The following MBNL2 variants were observed in gnomAD, a reference collection of about 807,000 sequenced individuals.
MBNL2 encodes muscleblind-like protein 2.
In MBNL2, 17 loss-of-function variants were observed where a neutral mutation model predicts 41.9. The ratio of observed to expected loss-of-function variants is 0.41; its 90% CI spans 0.28 to 0.61. MBNL2 has a LOEUF of 0.61. Ranked by LOEUF, MBNL2 falls within the 20% of genes least tolerant of loss-of-function variation. The pLI, the probability that MBNL2 is intolerant of heterozygous loss-of-function variation, is 0.35. For synonymous variants in MBNL2, 195 were observed against 182.9 expected, an observed-to-expected ratio of 1.07 and a Z score of -0.53; for missense variants, 336 against 505.6, an observed-to-expected ratio of 0.66 and a Z score of 3.22.
intron 1 of MBNL2, among the ~76,000 whole-genome samples, chr13:97,240,144 C>T (rs778213596): frequency 6.6e-6 from 1 of 152,150 alleles, no homozygotes; most frequent in Non-Finnish European, 1.5e-5. Flanking sequence ...GATTCTGACT[C>T]GGGGAGTCTG....
the MBNL2 span, among the ~76,000 whole-genome samples, chr13:97,148,772 T>C: frequency 6.6e-6 from 1 of 152,236 alleles, no homozygotes; most frequent in Non-Finnish European, 1.5e-5. Context: ...TTAGTGAATG[T>C]CGTTCATAAG....
the MBNL2 span, among the ~76,000 whole-genome samples, chr13:97,192,838 T>C: frequency 2.6e-5 from 4 of 152,270 alleles, no homozygotes. Flanking sequence ...GGAAGTGAAG[T>C]CAAGGTGTGT....
intron 2 of MBNL2, among the ~76,000 whole-genome samples, chr13:97,291,917 A>AAAAAAAAAAAAAAAAAAAAAAAAAAAAT (rs398070410): frequency 8.0e-6 from 1 of 125,312 alleles, no homozygotes; most frequent in African/African-American, 3.1e-5. Flanking sequence ...AAAAAAAAAA[A>AAAAAAAAAAAAAAAAAAAAAAAAAAAAT]GTGGGCTGGG....
intron 1 of MBNL2, among the ~76,000 whole-genome samples, chr13:97,228,188 C>A (rs1344030302): frequency 2.6e-5 from 4 of 152,050 alleles, no homozygotes; most frequent in Non-Finnish European, 5.9e-5. Flanking sequence ...AATACTATCC[C>A]CAGCTGGCCA....
intron 4 of MBNL2, among the ~76,000 whole-genome samples, chr13:97,344,209 G>T (rs2061654545): frequency 6.6e-6 from 1 of 152,164 alleles, no homozygotes; most frequent in Non-Finnish European, 1.5e-5. Context: ...CTTAAGTTAT[G>T]AATCAAACCA....
At chr13:97,381,557 A>G (rs1594294462) in intron 8 of MBNL2, among the ~76,000 whole-genome samples, 1 of 151,860 alleles carries the variant, frequency 6.6e-6, no homozygotes, top group Non-Finnish European at 1.5e-5. Context: ...TATTACTGGG[A>G]GCAAAATCTC....
intron 1 of MBNL2, among the ~76,000 whole-genome samples, chr13:97,235,989 G>A (rs186775444): frequency 3.9e-5 from 6 of 152,158 alleles, no homozygotes; most frequent in East Asian, 1.9e-4. Context: ...GGTGATGGGC[G>A]TTGGAGCTGA....
intron 1 of MBNL2, among the ~76,000 whole-genome samples, chr13:97,253,468 C>T (rs1348798730): frequency 7.2e-5 from 11 of 152,064 alleles, no homozygotes; most frequent in African/African-American, 1.7e-4. Context: ...TCTAATTATA[C>T]GCTCCTGAGT....
rs954252307 is a variant in MBNL2 at position 97,235,935 on chromosome 13, T to C, written c.-605+13404T>C. On this transcript the variant is annotated intron_variant, in intron 1 of 8. Transcript: ENST00000679496. ...TACACTGTCAGCCTTCTAGTGAACATGTTACCGTTAAATAATAACCGTCAG... is the reference window on the plus strand; with the variant it reads ...TACACTGTCAGCCTTCTAGTGAACACGTTACCGTTAAATAATAACCGTCAG... Among the ~76,000 whole-genome samples the C allele has an allele frequency of 2.6e-5, 4 of 151,958 alleles. No homozygotes were observed. In the East Asian group the frequency reaches 5.8e-4, roughly 22 times the overall value.
At chr13:97,234,526 T>A (rs1411407532) in intron 1 of MBNL2, among the ~76,000 whole-genome samples, 2 of 151,954 alleles carry the variant, frequency 1.3e-5, no homozygotes, top group Non-Finnish European at 2.9e-5. Flanking sequence ...TAGATGAAGG[T>A]AAAGTGTGGC....
At chr13:97,217,166 T>G (rs1361508453), upstream of MBNL2, among the ~76,000 whole-genome samples, 4 of 150,228 alleles carry the variant, frequency 2.7e-5, no homozygotes, top group Admixed American at 6.7e-5. Context: ...ACATTATACA[T>G]AATATATATG....
chr13:97,243,921 A>G (rs2152819006), intron 1 of MBNL2, among the ~76,000 whole-genome samples: 1 of 152,146 alleles, frequency 6.6e-6, no homozygotes, highest in African/African-American at 2.4e-5. Flanking sequence ...GGTAGAGGGA[A>G]ACTTCTCTGT....
intron 2 of MBNL2, among the ~76,000 whole-genome samples, chr13:97,285,796 G>A (rs891882529): frequency 3.3e-5 from 5 of 151,640 alleles, no homozygotes; most frequent in South Asian, 4.1e-4. Context: ...TTGGAAGACT[G>A]TATTCACACT....
the MBNL2 span, among the ~76,000 whole-genome samples, chr13:97,201,274 G>T: frequency 3.9e-5 from 6 of 152,204 alleles, no homozygotes; most frequent in East Asian, 1.2e-3. Flanking sequence ...TCGCATTCCC[G>T]TTTCCAATTA....
chr13:97,298,333 G>C (rs918387814), intron 2 of MBNL2, among the ~76,000 whole-genome samples: 1 of 152,164 alleles, frequency 6.6e-6, no homozygotes, highest in South Asian at 2.1e-4. Context: ...GAATAAATCT[G>C]TCTATTTGCT....
At position 97,366,667 on chromosome 13, in the gene MBNL2, AT is replaced by A. The variant is rs764750590; in HGVS notation, c.1048+1503del. ...TTTTCATGTTTATCCATCAAATTTT[AT>A]TTTTTTAATTAGTTTATAGCAAGCA... On this transcript the variant is annotated intron_variant, in intron 8 of 8. Transcript: ENST00000679496. The surrounding 1 kb of genome is among the most constrained non-coding windows in gnomAD (Gnocchi z 4.7). 17 of 738,652 alleles carry A rather than the reference AT, an allele frequency of 2.3e-5. No individual in the cohort carries two copies. The highest frequency in any genetic ancestry group is 1.1e-4 in the South Asian group (7 of 66,424). 45.8% of individuals were successfully genotyped at this position (738,652 alleles called of 1,614,324 possible). A position where few individuals can be genotyped will look rare whatever the true frequency, so the allele number is the denominator to read the frequency against.
At chr13:97,224,360 C>T (rs993340607) in intron 1 of MBNL2, among the ~76,000 whole-genome samples, 1 of 152,204 alleles carries the variant, frequency 6.6e-6, no homozygotes, top group Non-Finnish European at 1.5e-5. Flanking sequence ...TACAATACTG[C>T]AGGCTGCAAA....
intron 2 of MBNL2, among the ~76,000 whole-genome samples, chr13:97,304,534 A>G (rs2057940183): frequency 6.6e-6 from 1 of 152,312 alleles, no homozygotes; most frequent in Non-Finnish European, 1.5e-5. Flanking sequence ...CAATGATCTG[A>G]CAAGTGAAGG....
chr13:97,339,866 T>TG lies in MBNL2; in HGVS notation c.340-3149dup, dbSNP rs1333514307. Among the ~76,000 whole-genome samples the TG allele has an allele frequency of 4.2e-4, 33 of 79,138 alleles. 1 individual carries two copies. Among genetic ancestry groups the TG allele is most frequent in the African/African-American group, 1.2e-3 (16 of 12,938 alleles). The allele number at this position is 79,138 out of a possible 152,430, so 51.9% of individuals were successfully genotyped here. On this transcript the variant is annotated intron_variant, in intron 3 of 8. Coordinates refer to ENST00000679496, the MANE Select transcript of MBNL2 (RefSeq NM_001382683.1). ...CAGAAACATACGGGCAACTGATTTG[T>TG]GTGTGGGCGGGGGGGGCGTTGTTTT...
Sources: gnomAD v4.1 joint callset for allele counts (sites outside exome capture counted in the v4.1 genomes callset) on GRCh38, gnomAD v4.1.1 for gene constraint, Gnocchi (gnomAD v3.1) non-coding constraint, MANE v1.5 for transcripts, NCBI Gene and HGNC (gene_info 2026-07-23, HGNC 2026-07-21) for gene names.